SAV1: variants seen among roughly 807,000 people sequenced by gnomAD.
The protein encoded by SAV1 is protein salvador homolog 1.
SAV1 carries 23 observed loss-of-function variants against 47.3 expected under a neutral mutation model. The observed-to-expected ratio is 0.49, with a 90% CI of 0.35 to 0.69. The LOEUF (loss-of-function observed/expected upper bound fraction) is 0.69. SAV1 is among the 30% of genes least tolerant of loss of function. The probability of loss-of-function intolerance (pLI) is 0.01; values close to 1 mark genes in which losing one functional copy is unlikely to be tolerated. For missense variants in SAV1, 448 were observed against 457.4 expected (o/e 0.98, Z 0.19); for synonymous variants, 155 against 159.2 (o/e 0.97, Z 0.20).
chr14:50,663,812 A>G (rs1359214965), intron 2 of SAV1, among the ~76,000 whole-genome samples: 1 of 152,220 alleles, frequency 6.6e-6, no homozygotes, highest in East Asian at 1.9e-4. Context: ...GTCTTTCCGA[A>G]ATGTGCAAGA....
intron 2 of SAV1, among the ~76,000 whole-genome samples, chr14:50,650,208 A>G (rs1238337961): frequency 6.6e-6 from 1 of 152,258 alleles, no homozygotes; most frequent in African/African-American, 2.4e-5. Flanking sequence ...ATGCATATGC[A>G]TAAGGCTAGT....
At chr14:50,667,236 C>G (rs545317621) in intron 1 of SAV1, 1 of 240,648 alleles carries the variant, frequency 4.2e-6, no homozygotes, top group East Asian at 1.1e-4. Context: ...GGGGGGGGTT[C>G]TCTAATACGA....
chr14:50,656,732 G>A (rs2039815898), intron 2 of SAV1, among the ~76,000 whole-genome samples: 3 of 152,010 alleles, frequency 2.0e-5, no homozygotes, highest in South Asian at 2.1e-4. Flanking sequence ...GTGAGCCACC[G>A]TGCCCGGCCC....
chr14:50,641,802 G>A (rs1170717619), intron 3 of SAV1, among the ~76,000 whole-genome samples: 3 of 152,196 alleles, frequency 2.0e-5, no homozygotes, highest in Non-Finnish European at 2.9e-5. Flanking sequence ...AAGCAGTTGG[G>A]AGACTTCTCA....
intron 2 of SAV1, 23 bp downstream of exon 2, chr14:50,665,156 T>C: frequency 6.7e-7 from 1 of 1,500,252 alleles, no homozygotes; most frequent in Non-Finnish European, 8.9e-7. Context: ...TAAACTACTA[T>C]ATTATTTATA....
intron 2 of SAV1, among the ~76,000 whole-genome samples, chr14:50,655,550 C>A (rs1213107246): frequency 6.6e-6 from 1 of 151,732 alleles, no homozygotes; most frequent in African/African-American, 2.4e-5. Flanking sequence ...CTCAGCCTCC[C>A]GAGTAGGTGA....
At chr14:50,654,002 CT>C (rs1180676358) in intron 2 of SAV1, among the ~76,000 whole-genome samples, 1 of 152,094 alleles carries the variant, frequency 6.6e-6, no homozygotes, top group East Asian at 1.9e-4. Context: ...TTATCTGAGC[CT>C]TTAGTGAGTT....
chr14:50,651,607 G>A (rs993742748), intron 2 of SAV1, among the ~76,000 whole-genome samples: 20 of 152,098 alleles, frequency 1.3e-4, no homozygotes, highest in African/African-American at 2.9e-4. Context: ...AATTCAAAGT[G>A]AATTTTATGT....
At chr14:50,659,525 A>G (rs2039841263) in intron 2 of SAV1, among the ~76,000 whole-genome samples, 2 of 152,258 alleles carry the variant, frequency 1.3e-5, no homozygotes, top group Admixed American at 1.3e-4. Context: ...CAGGCTGCCC[A>G]TAAGATTAAC....
At chr14:50,656,986 C>G (rs1243636011) in intron 2 of SAV1, among the ~76,000 whole-genome samples, 1 of 151,482 alleles carries the variant, frequency 6.6e-6, no homozygotes, top group East Asian at 1.9e-4. Context: ...AACTAACATC[C>G]CAAGTATGTG....
In SAV1 at chr14:50,665,245, T is replaced by C. The variant is rs200421649; in HGVS notation, c.469A>G (p.Arg157Gly). 1.2e-4 allele frequency: 199 copies of C among 1,613,624 alleles called. No individual in the cohort carries two copies. The highest frequency in any genetic ancestry group is 1.4e-4 in the Non-Finnish European group (168 of 1,179,744). Residue 157 changes from arginine to glycine, a missense_variant, in exon 2 of 5, where the codon AGA becomes GGA. By Grantham distance (125) the Arg-to-Gly change is moderately radical. Transcript: ENST00000324679. The part of the protein sequence containing the change: ...PLGDRAHEDY[R>G]YYEYNHDLFQ... ...AGATCATGGTTGTATTCATAATATC[T>C]GTAGTCTTCATGTGCACGATCTCCA... is the stretch of plus-strand genomic sequence containing the variant.
At chr14:50,653,686 T>C (rs747969819) in intron 2 of SAV1, among the ~76,000 whole-genome samples, 3 of 152,012 alleles carry the variant, frequency 2.0e-5, no homozygotes, top group Admixed American at 6.6e-5. Flanking sequence ...CTGGCCAACA[T>C]GGTGAAACCC....
At chr14:50,641,165 A>G (rs1424551901) in intron 3 of SAV1, among the ~76,000 whole-genome samples, 2 of 152,238 alleles carry the variant, frequency 1.3e-5, no homozygotes, top group Non-Finnish European at 1.5e-5. Flanking sequence ...CCCACAAGAA[A>G]TAGTCATCAG....
intron 2 of SAV1, among the ~76,000 whole-genome samples, chr14:50,650,973 G>A (rs2039763419): frequency 6.6e-6 from 1 of 151,802 alleles, no homozygotes; most frequent in South Asian, 2.1e-4. Flanking sequence ...AGTGAGCCGA[G>A]AGCGCGCCAC....
chr14:50,653,550 ATT>A (rs2039787745), intron 2 of SAV1, among the ~76,000 whole-genome samples: 2 of 152,268 alleles, frequency 1.3e-5, no homozygotes, highest in South Asian at 4.1e-4. Flanking sequence ...AGTTACGTGA[ATT>A]TGTTTGTTTC....
intron 2 of SAV1, among the ~76,000 whole-genome samples, chr14:50,657,484 TG>T (rs1411285968): frequency 1.3e-5 from 2 of 152,182 alleles, no homozygotes; most frequent in Admixed American, 1.3e-4. Flanking sequence ...ACACAACAAG[TG>T]GTATAAGGTC....
intron 4 of SAV1, among the ~76,000 whole-genome samples, chr14:50,638,911 G>T (rs2039659073): frequency 6.6e-6 from 1 of 152,144 alleles, no homozygotes; most frequent in Non-Finnish European, 1.5e-5. Flanking sequence ...GGGACTACAG[G>T]CGCGTGCCAC....
intron 2 of SAV1, among the ~76,000 whole-genome samples, chr14:50,662,070 G>T (rs2039864619): frequency 1.3e-5 from 2 of 152,166 alleles, no homozygotes. Context: ...TCATTTTAAT[G>T]ATGTTAATTC....
At chr14:50,644,539 G>GT (rs1021043888) in intron 3 of SAV1, among the ~76,000 whole-genome samples, 2 of 149,868 alleles carry the variant, frequency 1.3e-5, no homozygotes, top group African/African-American at 5.0e-5. Context: ...TGTTTTTGAG[G>GT]TTTTTTTAAA....
Sources: gnomAD v4.1 joint callset for allele counts (sites outside exome capture counted in the v4.1 genomes callset) on GRCh38, gnomAD v4.1.1 for gene constraint, MANE v1.5 for transcripts, NCBI Gene and HGNC (gene_info 2026-07-23, HGNC 2026-07-21) for gene names.